The following FBXL17 variants were observed in gnomAD, a reference collection of about 807,000 sequenced individuals.
FBXL17 encodes the protein F-box/LRR-repeat protein 17.
FBXL17 carries 22 observed loss-of-function variants against 66.2 expected under a neutral mutation model. The ratio of observed to expected loss-of-function variants is 0.33; its 90% CI spans 0.24 to 0.47. The LOEUF is 0.47. Among genes scored for constraint, FBXL17 ranks in the 20% least tolerant of loss-of-function variants. The pLI is 1.00. For missense variants in FBXL17, 878 were observed against 948.2 expected, an observed-to-expected ratio of 0.93 and a Z score of 0.97; for synonymous variants, 474 against 400.5, an observed-to-expected ratio of 1.18 and a Z score of -2.19.
chr5:108,133,874 A>G (rs1425878426), intron 6 of FBXL17, among the ~76,000 whole-genome samples: 2 of 152,178 alleles, frequency 1.3e-5, no homozygotes, highest in Non-Finnish European at 2.9e-5. Flanking sequence ...TAAAACATTC[A>G]GCAGAAGTCC....
intron 4 of FBXL17, among the ~76,000 whole-genome samples, chr5:108,300,320 G>A (rs1318629745): frequency 6.6e-6 from 1 of 151,832 alleles, no homozygotes; most frequent in Non-Finnish European, 1.5e-5. Flanking sequence ...TCTACAGAGA[G>A]ACACTCAAAC....
intron 6 of FBXL17, among the ~76,000 whole-genome samples, chr5:108,063,109 G>GC (rs1747987132): frequency 6.6e-6 from 1 of 151,950 alleles, no homozygotes; most frequent in Non-Finnish European, 1.5e-5. Flanking sequence ...TTATACCCAA[G>GC]CATGTGTTTT....
chr5:108,335,882 G>A (rs573145657), intron 4 of FBXL17, among the ~76,000 whole-genome samples: 1 of 151,994 alleles, frequency 6.6e-6, no homozygotes, highest in East Asian at 1.9e-4. Flanking sequence ...AAAGCCATAT[G>A]GGTATACTAG....
chr5:108,247,167 G>T (rs377299047), intron 4 of FBXL17, among the ~76,000 whole-genome samples: 1 of 152,136 alleles, frequency 6.6e-6, no homozygotes, highest in Non-Finnish European at 1.5e-5. Context: ...ATGCTAAAAC[G>T]ATTATGTAAA....
chr5:108,257,408 T>C (rs1249711703), intron 4 of FBXL17, among the ~76,000 whole-genome samples: 1 of 152,162 alleles, frequency 6.6e-6, no homozygotes. Flanking sequence ...ACAGAATTGA[T>C]TAAATCTTAC....
chr5:108,253,255 TA>T (rs879856005), intron 4 of FBXL17, among the ~76,000 whole-genome samples: 1 of 151,682 alleles, frequency 6.6e-6, no homozygotes, highest in South Asian at 2.1e-4. Context: ...GTGATTTTTT[TA>T]AAAATTTTTA....
At chr5:107,903,375 A>G (rs1173277030) in intron 7 of FBXL17, among the ~76,000 whole-genome samples, 1 of 152,222 alleles carries the variant, frequency 6.6e-6, no homozygotes, top group Non-Finnish European at 1.5e-5. Context: ...AAGGTACTTG[A>G]AACAGTATCT....
intron 4 of FBXL17, among the ~76,000 whole-genome samples, chr5:108,244,641 T>C (rs374199578): frequency 2.4e-4 from 36 of 152,142 alleles, no homozygotes; most frequent in African/African-American, 8.4e-4. Flanking sequence ...CTTGATAAAA[T>C]AGAAATCACT....
At chr5:108,009,261 TTATATATATATATATATATATATATA>T (rs375853217) in intron 7 of FBXL17, among the ~76,000 whole-genome samples, 1 of 20,870 alleles carries the variant, frequency 4.8e-5, no homozygotes, top group East Asian at 3.6e-3. Flanking sequence ...GTTCCCTGTT[TTATATATATATATATATATATATATA>T]TATATATATA....
At chr5:107,981,719 G>GA (rs144227129) in intron 7 of FBXL17, among the ~76,000 whole-genome samples, 5,332 of 152,000 alleles carry the variant, frequency 0.035, 316 homozygotes, top group African/African-American at 0.12. Context: ...GAACATTATA[G>GA]AAAAAAAACA....
At chr5:108,361,580 C>T (rs1470140527) in intron 3 of FBXL17, among the ~76,000 whole-genome samples, 2 of 152,040 alleles carry the variant, frequency 1.3e-5, no homozygotes, top group Admixed American at 1.3e-4. Context: ...GCTGATTGTC[C>T]TAATTTCAAA....
intron 5 of FBXL17, among the ~76,000 whole-genome samples, chr5:108,199,536 C>T (rs1753807808): frequency 6.6e-6 from 1 of 152,154 alleles, no homozygotes; most frequent in Non-Finnish European, 1.5e-5. Flanking sequence ...CTTTATTAGT[C>T]TTAATTGTCA....
chr5:108,226,382 C>T (rs907279306), intron 4 of FBXL17, among the ~76,000 whole-genome samples: 1 of 152,116 alleles, frequency 6.6e-6, no homozygotes, highest in Non-Finnish European at 1.5e-5. Context: ...TTTACTTCTA[C>T]TTTATTTTAT....
intron 5 of FBXL17, among the ~76,000 whole-genome samples, chr5:108,189,021 G>A (rs1050042343): frequency 6.6e-5 from 10 of 152,256 alleles, no homozygotes; most frequent in Admixed American, 2.0e-4. Context: ...CATGTGGTGG[G>A]CACAGAAATT....
chr5:107,996,950 T>C (rs952147537), intron 7 of FBXL17, among the ~76,000 whole-genome samples: 1 of 152,212 alleles, frequency 6.6e-6, no homozygotes, highest in Non-Finnish European at 1.5e-5. Context: ...GCATGTTGCC[T>C]GTGACAGATG....
At chr5:107,912,907 C>T (rs1433050) in intron 7 of FBXL17, among the ~76,000 whole-genome samples, 120,804 of 152,054 alleles carry the variant, frequency 0.79, 48,375 homozygotes, top group African/African-American at 0.83. Flanking sequence ...AGGAATCAAA[C>T]GTTCTGAAAA....
At chr5:108,255,066 G>A (rs560133199) in intron 4 of FBXL17, among the ~76,000 whole-genome samples, 19 of 152,262 alleles carry the variant, frequency 1.2e-4, no homozygotes, top group African/African-American at 4.3e-4. Flanking sequence ...CTCCATCAAA[G>A]AAATTAATCA....
chr5:108,288,608 G>GA (rs1214620717), intron 4 of FBXL17, among the ~76,000 whole-genome samples: 1 of 151,784 alleles, frequency 6.6e-6, no homozygotes, highest in African/African-American at 2.4e-5. Context: ...GATGGGAAGA[G>GA]AAAAAAACAG....
At chr5:108,128,353 C>T (rs1378349750) in intron 6 of FBXL17, among the ~76,000 whole-genome samples, 1 of 152,032 alleles carries the variant, frequency 6.6e-6, no homozygotes, top group African/African-American at 2.4e-5. Context: ...GTGATGGAGG[C>T]CAATGTTCCT....
Sources: allele counts gnomAD v4.1 joint callset (sites outside exome capture counted in the v4.1 genomes callset), GRCh38; gene constraint gnomAD v4.1.1; transcripts MANE v1.5; gene names NCBI Gene and HGNC (gene_info 2026-07-23, HGNC 2026-07-21).